NUP88: variants seen among roughly 807,000 people sequenced by gnomAD.
The protein encoded by NUP88 is nuclear pore complex protein Nup88.
In NUP88, 57 loss-of-function variants were observed where a neutral mutation model predicts 93.9. The ratio of observed to expected loss-of-function variants is 0.61; its 90% CI spans 0.49 to 0.76. The LOEUF is 0.76. NUP88 is among the 30% of genes least tolerant of loss of function. The pLI is 0.00. For missense variants in NUP88, 911 were observed against 901.0 expected (o/e 1.01, Z -0.14); for synonymous variants, 346 against 336.8 (o/e 1.03, Z -0.30).
At chr17:5,397,802 C>CTA (rs1408594667) in intron 8 of NUP88, among the ~76,000 whole-genome samples, 1 of 151,958 alleles carries the variant, frequency 6.6e-6, no homozygotes, top group African/African-American at 2.4e-5. Flanking sequence ...AAGTTCCTTT[C>CTA]TATTAAGTTT....
intron 8 of NUP88, among the ~76,000 whole-genome samples, chr17:5,396,107 A>G (rs908817530): frequency 6.6e-6 from 1 of 152,090 alleles, no homozygotes; most frequent in South Asian, 2.1e-4. Flanking sequence ...GCTACTCGAG[A>G]GGCTGAGGCA....
chr17:5,408,060 C>G (rs566969449), intron 5 of NUP88, among the ~76,000 whole-genome samples: 2 of 152,186 alleles, frequency 1.3e-5, no homozygotes, highest in Non-Finnish European at 2.9e-5. Flanking sequence ...TTTCTCGGGA[C>G]AGATACTCCA....
chr17:5,403,757 G>A (rs1913313261), intron 7 of NUP88, among the ~76,000 whole-genome samples: 1 of 152,186 alleles, frequency 6.6e-6, no homozygotes, highest in Admixed American at 6.5e-5. Context: ...CAATGGGCAT[G>A]GGAGTGTAGG....
At chr17:5,418,994 A>T (rs1185683068) in intron 1 of NUP88, among the ~76,000 whole-genome samples, 1 of 152,242 alleles carries the variant, frequency 6.6e-6, no homozygotes, top group African/African-American at 2.4e-5. Flanking sequence ...ACAACGCAAG[A>T]GAAAGTTACG....
In NUP88 at chr17:5,387,106, T is replaced by C; in HGVS notation, c.1921A>G (p.Lys641Glu). The C allele has an allele frequency of 1.2e-6, 2 of 1,613,176 alleles. No homozygotes were observed. The highest frequency in any genetic ancestry group is 1.1e-5 in the South Asian group (1 of 90,774). ...EKQEDIMNRMKKLLHSFHSEL... is the reference protein window; with the variant it reads ...EKQEDIMNRMEKLLHSFHSEL... ...GAGTGAAAACTGTGAAGTAGTTTTT[T>C]CATCCTTTAGAAAAGGCAAGCAAAC... Residue 641 changes from lysine to glutamate, a missense_variant, in exon 15 of 17, where the codon AAA becomes GAA. Transcript: ENST00000573584.
At chr17:5,406,946 T>C (rs1913533206) in intron 5 of NUP88, among the ~76,000 whole-genome samples, 1 of 152,122 alleles carries the variant, frequency 6.6e-6, no homozygotes, top group Non-Finnish European at 1.5e-5. Flanking sequence ...TTGGGACTGA[T>C]GAAATGTAAG....
intron 2 of NUP88, 34 bp downstream of exon 2, chr17:5,416,479 A>G: frequency 6.9e-7 from 1 of 1,440,428 alleles, no homozygotes; most frequent in Non-Finnish European, 9.4e-7. Flanking sequence ...CTGTATATAT[A>G]ATAAATTATA....
chr17:5,400,453 G>A (rs141582255), intron 7 of NUP88, among the ~76,000 whole-genome samples: 3,039 of 144,512 alleles, frequency 0.021, 105 homozygotes, highest in East Asian at 0.13. Flanking sequence ...CCGAGATTGC[G>A]CCACTGCAAT....
At chr17:5,413,895 T>C in intron 3 of NUP88, 114 bp downstream of exon 3, 2 of 1,124,934 alleles carry the variant, frequency 1.8e-6, no homozygotes, top group Non-Finnish European at 2.6e-6. Context: ...AGCCATCCAA[T>C]AAAAGCACTG....
chr17:5,409,158 G>C (rs1913675003), intron 4 of NUP88, among the ~76,000 whole-genome samples: 1 of 152,104 alleles, frequency 6.6e-6, no homozygotes, highest in African/African-American at 2.4e-5. Flanking sequence ...TGGATCACCT[G>C]AGGTCAGGAG....
rs975882649 is a variant in NUP88, at chr17:5,400,511, A to C, written c.1193-861T>G. ...TCCGTCTCAAAAAAAAAAAAAAAAAAAAAAAACTCAATCCAAATGTTATTT... is the reference window on the plus strand; with the variant it reads ...TCCGTCTCAAAAAAAAAAAAAAAAACAAAAAACTCAATCCAAATGTTATTT... On this transcript the variant is annotated intron_variant, in intron 7 of 16. Coordinates refer to ENST00000573584, the MANE Select transcript of NUP88 (RefSeq NM_002532.6). Among the ~76,000 whole-genome samples, 404 of 151,958 alleles carry C rather than the reference A, an allele frequency of 2.7e-3. 3 individuals are homozygous for C. The highest frequency in any genetic ancestry group is 9.5e-3 in the African/African-American group (395 of 41,428).
rs184577398 is a variant in NUP88, at chr17:5,408,522, C to T, written c.857+211G>A. On this transcript the variant is annotated intron_variant, in intron 5 of 16. Transcript: ENST00000573584. Reference sequence around the variant, plus strand: ...TCCAGGCCTATCATAAGTGATTATCCAAGAATTCTATAGAACTTACCCAAA... The same window carrying T: ...TCCAGGCCTATCATAAGTGATTATCTAAGAATTCTATAGAACTTACCCAAA... Among the ~76,000 whole-genome samples the T allele has an allele frequency of 3.9e-5, 6 of 152,296 alleles. No homozygotes were observed. The East Asian group carries it at 1.2e-3, about 29-fold the overall frequency.
intron 8 of NUP88, among the ~76,000 whole-genome samples, chr17:5,397,410 C>A (rs1427625441): frequency 6.6e-6 from 1 of 151,818 alleles, no homozygotes; most frequent in Non-Finnish European, 1.5e-5. Flanking sequence ...AATGTTACCA[C>A]AAGTTTCTTT....
chr17:5,414,420 C>G (rs1158000082), intron 2 of NUP88, among the ~76,000 whole-genome samples: 4 of 151,906 alleles, frequency 2.6e-5, no homozygotes, highest in Non-Finnish European at 5.9e-5. Flanking sequence ...GTCTCAAACT[C>G]CCGACCTCAG....
At chr17:5,402,077 G>A (rs1383039143) in intron 7 of NUP88, among the ~76,000 whole-genome samples, 1 of 152,020 alleles carries the variant, frequency 6.6e-6, no homozygotes, top group Non-Finnish European at 1.5e-5. Context: ...AGCACTGTGG[G>A]AGGCCAAGGT....
chr17:5,411,329 C>T (rs979458722), intron 3 of NUP88, among the ~76,000 whole-genome samples: 8 of 152,020 alleles, frequency 5.3e-5, no homozygotes, highest in South Asian at 4.1e-4. Context: ...TTTGGGAGGC[C>T]GAGGTGAGCA....
At chr17:5,387,513 C>G in intron 13 of NUP88, 47 bp from the exon 14 acceptor site, 1 of 1,598,724 alleles carries the variant, frequency 6.3e-7, no homozygotes, top group Non-Finnish European at 8.6e-7. Context: ...CCCCTTGATG[C>G]TGAAACCACC....
intron 7 of NUP88, among the ~76,000 whole-genome samples, chr17:5,402,331 T>C (rs1029899854): frequency 6.6e-6 from 1 of 150,774 alleles, no homozygotes; most frequent in African/African-American, 2.4e-5. Context: ...AAAAACAAAA[T>C]ACAAAAAACA....
chr17:5,405,283 G>A (rs3026133), intron 5 of NUP88, 40 bp from the exon 6 acceptor site: 863,965 of 1,556,846 alleles, frequency 0.55, 251,678 homozygotes, highest in East Asian at 0.98. Flanking sequence ...AATGTTGACA[G>A]TATGCATGCT....
Sources: gnomAD v4.1 joint callset for allele counts (sites outside exome capture counted in the v4.1 genomes callset) on GRCh38, gnomAD v4.1.1 for gene constraint, MANE v1.5 for transcripts, NCBI Gene and HGNC (gene_info 2026-07-23, HGNC 2026-07-21) for gene names.